Variants in STXBP5L observed in about 807,000 individuals in gnomAD.
The protein encoded by STXBP5L is syntaxin binding protein 5L.
Under a neutral mutation model 144.5 loss-of-function variants are expected in STXBP5L, and 65 were observed. The ratio of observed to expected loss-of-function variants is 0.45; its 90% confidence interval spans 0.37 to 0.55. The LOEUF (loss-of-function observed/expected upper bound fraction) is 0.55. STXBP5L is among the 20% of genes least tolerant of loss of function. The probability of loss-of-function intolerance (pLI) is 0.00; values close to 1 mark genes in which losing one functional copy is unlikely to be tolerated. For synonymous variants in STXBP5L, 505 were observed against 469.6 expected, an observed-to-expected ratio of 1.08 and a Z score of -0.97; for missense variants, 1,298 against 1,405.5, an observed-to-expected ratio of 0.92 and a Z score of 1.22.
At chr3:121,353,635 T>C (rs1190359135) in intron 20 of STXBP5L, among the ~76,000 whole-genome samples, 1 of 152,206 alleles carries the variant, frequency 6.6e-6, no homozygotes, top group Non-Finnish European at 1.5e-5. Context: ...AAAAACCAGC[T>C]CCTGGATTCA....
chr3:121,152,767 G>C (rs934184053), intron 8 of STXBP5L, among the ~76,000 whole-genome samples: 1 of 151,790 alleles, frequency 6.6e-6, no homozygotes, highest in Non-Finnish European at 1.5e-5. Flanking sequence ...TGCCTATTTC[G>C]GGGCCCTCTT....
chr3:120,918,783 A>G (rs1046314593), intron 2 of STXBP5L, among the ~76,000 whole-genome samples: 1 of 152,142 alleles, frequency 6.6e-6, no homozygotes, highest in African/African-American at 2.4e-5. Flanking sequence ...GCTTGAAGTT[A>G]TCTTAATTCA....
intron 5 of STXBP5L, among the ~76,000 whole-genome samples, chr3:121,076,125 C>A (rs2877405): frequency 0.099 from 15,104 of 152,126 alleles, 1,178 homozygotes; most frequent in Admixed American, 0.2. Context: ...TCTGTGCATT[C>A]AAATAAATTT....
At chr3:121,213,873 T>A (rs2048676632) in intron 10 of STXBP5L, among the ~76,000 whole-genome samples, 1 of 152,218 alleles carries the variant, frequency 6.6e-6, no homozygotes. Flanking sequence ...GGCTATTAAT[T>A]ACTGCCTCAA....
intron 20 of STXBP5L, among the ~76,000 whole-genome samples, chr3:121,327,977 A>G (rs1479322814): frequency 6.6e-6 from 1 of 152,202 alleles, no homozygotes; most frequent in East Asian, 1.9e-4. Flanking sequence ...GAGACCATTC[A>G]ATGTGAGGAT....
chr3:121,174,098 G>C (rs762312933), intron 9 of STXBP5L, among the ~76,000 whole-genome samples: 9 of 152,090 alleles, frequency 5.9e-5, no homozygotes, highest in Non-Finnish European at 1.0e-4. Context: ...ATAGCAATAG[G>C]AGGTGGCTTT....
At chr3:121,199,850 G>T (rs1230143232) in intron 9 of STXBP5L, among the ~76,000 whole-genome samples, 1 of 151,938 alleles carries the variant, frequency 6.6e-6, no homozygotes, top group African/African-American at 2.4e-5. Context: ...ATCTTGGTGG[G>T]TAAGCTTTTT....
chr3:121,270,944 A>T (rs6796529), intron 18 of STXBP5L, among the ~76,000 whole-genome samples: 2,047 of 152,212 alleles, frequency 0.013, 27 homozygotes, highest in Non-Finnish European at 0.018. Flanking sequence ...GATTGTCCTA[A>T]TTTTAGTGGT....
intron 22 of STXBP5L, among the ~76,000 whole-genome samples, chr3:121,389,236 A>G (rs909163665): frequency 1.3e-5 from 2 of 152,066 alleles, no homozygotes; most frequent in Non-Finnish European, 2.9e-5. Flanking sequence ...GAGTGGTGAT[A>G]TCCCTTTTAT....
At chr3:121,205,756 A>C (rs931616669) in intron 9 of STXBP5L, among the ~76,000 whole-genome samples, 167 bp from the exon 10 acceptor site, 1 of 152,146 alleles carries the variant, frequency 6.6e-6, no homozygotes, top group Non-Finnish European at 1.5e-5. Flanking sequence ...ATTGTTTACA[A>C]ATTCAACAAA....
intron 2 of STXBP5L, among the ~76,000 whole-genome samples, chr3:120,940,919 T>A (rs565014954): frequency 2.9e-4 from 44 of 151,744 alleles, no homozygotes; most frequent in Non-Finnish European, 4.1e-4. Flanking sequence ...TATATATATA[T>A]AATATTATGA....
Position 121,348,736 on chromosome 3 carries a change from T to C in STXBP5L, c.2177-29980T>C, listed in dbSNP as rs112919266. On this transcript the variant is annotated intron_variant, in intron 20 of 26. Coordinates refer to ENST00000471454, the MANE Select transcript of STXBP5L (RefSeq NM_001308330.2). ...TCCATTTCTTCTAGATTTTGTAGTT[T>C]ATTTGCTTAGAGGTGTTTATGGTAT... is the stretch of plus-strand genomic sequence containing the variant. Among the ~76,000 whole-genome samples the C allele has an allele frequency of 1.4e-3, 215 of 152,240 alleles. 2 individuals carry two copies. The Middle Eastern group carries it at 0.027, about 19-fold the overall frequency.
intron 5 of STXBP5L, among the ~76,000 whole-genome samples, chr3:121,052,616 A>T (rs28850644): frequency 6.6e-6 from 1 of 152,196 alleles, no homozygotes; most frequent in African/African-American, 2.4e-5. Flanking sequence ...AGAGCTATCT[A>T]TGACAAACCC....
intron 20 of STXBP5L, among the ~76,000 whole-genome samples, chr3:121,368,596 C>A (rs2045934766): frequency 6.6e-6 from 1 of 151,730 alleles, no homozygotes; most frequent in South Asian, 2.1e-4. Flanking sequence ...TGTAATAACT[C>A]TGGAAATCAT....
intron 9 of STXBP5L, among the ~76,000 whole-genome samples, chr3:121,175,804 A>G (rs183820889): frequency 1.3e-5 from 2 of 151,988 alleles, no homozygotes; most frequent in African/African-American, 2.4e-5. Context: ...ACTCAACTAC[A>G]TGTTGTCTAC....
chr3:121,213,652 G>T (rs1489573507), intron 10 of STXBP5L, among the ~76,000 whole-genome samples: 21 of 142,998 alleles, frequency 1.5e-4, no homozygotes, highest in Admixed American at 1.5e-3. Context: ...ATGTTCATCA[G>T]GGATATTGGC....
chr3:121,154,987 AGTT>A (rs755156181), intron 8 of STXBP5L, among the ~76,000 whole-genome samples: 3 of 151,800 alleles, frequency 2.0e-5, no homozygotes, highest in Non-Finnish European at 4.4e-5. Context: ...TCCTAGTTTA[AGTT>A]GTTATCTTTT....
intron 7 of STXBP5L, among the ~76,000 whole-genome samples, chr3:121,127,090 CAGAACA>C (rs2044741416): frequency 6.7e-6 from 1 of 148,496 alleles, no homozygotes; most frequent in African/African-American, 2.6e-5. Context: ...TACATCATCT[CAGAACA>C]ATTAATTACT....
At chr3:121,176,943 CTT>C (rs1311623477) in intron 9 of STXBP5L, among the ~76,000 whole-genome samples, 4 of 151,916 alleles carry the variant, frequency 2.6e-5, no homozygotes, top group African/African-American at 9.6e-5. Context: ...ATTGAGATAG[CTT>C]TTTGTAAATA....
Sources: gnomAD v4.1 joint callset for allele counts (sites outside exome capture counted in the v4.1 genomes callset) on GRCh38, gnomAD v4.1.1 for gene constraint, MANE v1.5 for transcripts, NCBI Gene and HGNC (gene_info 2026-07-23, HGNC 2026-07-21) for gene names.